CCDC3: variants seen among roughly 807,000 people sequenced by gnomAD.
The protein encoded by CCDC3 is coiled-coil domain-containing protein 3.
A neutral mutation model predicts 21.4 loss-of-function variants in CCDC3; 24 were observed. The observed-to-expected ratio is 1.12, with a 90% confidence interval of 0.81 to 1.58. The LOEUF (loss-of-function observed/expected upper bound fraction) is 1.58. Ranked by LOEUF, CCDC3 falls within the 40% of genes most tolerant of loss-of-function variation. The pLI, the probability that CCDC3 is intolerant of heterozygous loss-of-function variation, is 0.00. For synonymous variants in CCDC3, 186 were observed against 166.0 expected (o/e 1.12, Z -0.93); for missense variants, 425 against 360.9 (o/e 1.18, Z -1.44).
chr10:12,996,702 G>T (rs193231560), intron 2 of CCDC3, among the ~76,000 whole-genome samples: 379 of 152,268 alleles, frequency 2.5e-3, no homozygotes, highest in South Asian at 0.011. Context: ...CATGAAGAAG[G>T]CCTCCAGGGT....
At chr10:13,037,270 T>C (rs1227715410) in intron 5 of CCDC3, among the ~76,000 whole-genome samples, 2 of 152,216 alleles carry the variant, frequency 1.3e-5, no homozygotes, top group African/African-American at 4.8e-5. Context: ...AGTCAAAATG[T>C]TTTAAAACAA....
At chr10:13,041,509 T>A (rs1377414517) in intron 5 of CCDC3, among the ~76,000 whole-genome samples, 785 of 13,278 alleles carry the variant, frequency 0.059, 5 homozygotes, top group Non-Finnish European at 0.2. Context: ...AGATAATTTT[T>A]TTTTTTTTTT....
At chr10:12,969,887 A>G (rs1835316809) in intron 2 of CCDC3, among the ~76,000 whole-genome samples, 1 of 152,148 alleles carries the variant, frequency 6.6e-6, no homozygotes, top group East Asian at 1.9e-4. Context: ...CCTCAGTTAT[A>G]TGTGGAGTAT....
At chr10:12,933,008 T>C (rs1425762456) in intron 2 of CCDC3, among the ~76,000 whole-genome samples, 2 of 152,242 alleles carry the variant, frequency 1.3e-5, no homozygotes, top group African/African-American at 4.8e-5. Flanking sequence ...AGTTTAAATA[T>C]CCCTTGGCCA....
At chr10:13,057,868 G>T in intron 4 of CCDC3, 2 of 440,698 alleles carry the variant, frequency 4.5e-6, no homozygotes, top group South Asian at 4.3e-5. Flanking sequence ...ATGACAGTGC[G>T]AGACTCTGTC....
chr10:13,064,571 T>C (rs1483752887), intron 4 of CCDC3, among the ~76,000 whole-genome samples: 1 of 152,088 alleles, frequency 6.6e-6, no homozygotes, highest in Non-Finnish European at 1.5e-5. Context: ...AATCAATACA[T>C]GTAAGATGTA....
intron 2 of CCDC3, among the ~76,000 whole-genome samples, chr10:12,982,728 A>G (rs1835519032): frequency 8.2e-6 from 1 of 122,662 alleles, no homozygotes; most frequent in African/African-American, 3.0e-5. Context: ...TAGGAGGTGG[A>G]GGTTGCAGTG....
intron 2 of CCDC3, among the ~76,000 whole-genome samples, chr10:12,942,693 C>T (rs1834851156): frequency 6.6e-6 from 1 of 152,218 alleles, no homozygotes; most frequent in African/African-American, 2.4e-5. Context: ...ATGCAAGTGG[C>T]ACACCTGGTC....
intron 2 of CCDC3, among the ~76,000 whole-genome samples, chr10:12,978,409 C>G (rs1209355509): frequency 6.6e-6 from 1 of 152,344 alleles, no homozygotes; most frequent in South Asian, 2.1e-4. Flanking sequence ...CAGAAATGTG[C>G]TACTACCCTC....
At chr10:13,074,569 T>C (rs927446826) in intron 3 of CCDC3, among the ~76,000 whole-genome samples, 29 of 147,908 alleles carry the variant, frequency 2.0e-4, no homozygotes, top group African/African-American at 6.9e-4. Flanking sequence ...TAACTCTCCC[T>C]CCCCCTCCCC....
intron 2 of CCDC3, among the ~76,000 whole-genome samples, chr10:12,925,998 T>C (rs936742699): frequency 3.3e-5 from 5 of 152,208 alleles, no homozygotes; most frequent in African/African-American, 9.6e-5. Context: ...AGTTGGGTAC[T>C]TGAGATGCTA....
chr10:13,007,103 T>C (rs1835933417), intron 5 of CCDC3, among the ~76,000 whole-genome samples: 1 of 152,170 alleles, frequency 6.6e-6, no homozygotes, highest in Non-Finnish European at 1.5e-5. Context: ...AGTCATAACT[T>C]TTCTAGAAAG....
intron 2 of CCDC3, among the ~76,000 whole-genome samples, chr10:12,908,753 C>G (rs540830664): frequency 6.6e-6 from 1 of 151,990 alleles, no homozygotes; most frequent in African/African-American, 2.4e-5. Context: ...CCACCATGCC[C>G]GGCTACTTTT....
chr10:13,025,114 T>A (rs1171121129), intron 5 of CCDC3, among the ~76,000 whole-genome samples: 5 of 152,216 alleles, frequency 3.3e-5, no homozygotes, highest in Non-Finnish European at 7.3e-5. Flanking sequence ...ACCAGGGGGT[T>A]ATTACACTTC....
rs770704967 is a variant in CCDC3, at chr10:12,998,395, C to G, written c.492G>C (p.Ser164=). ...AGAAAGTCGCCAGCTGCTGCCCTTG[C>G]GAACAGTTTGAAAACTGGAAAAGGC... The part of the protein sequence containing the change: ...FSSLFQFSNC[S]QGQQLATFSS... The change falls in exon 2 of 3, where the codon TCG becomes TCC. Residue 164 remains serine (S), a synonymous_variant. Coordinates refer to ENST00000378825, the MANE Select transcript of CCDC3 (RefSeq NM_031455.4). 6.2e-7 allele frequency: 1 copy of G among 1,614,132 alleles called. No homozygotes were observed. The highest frequency in any genetic ancestry group is 8.5e-7 in the Non-Finnish European group (1 of 1,180,028).
At chr10:13,049,738 A>G (rs1836578669) in exon 5 of CCDC3, 2 of 152,206 alleles carry the variant, frequency 1.3e-5, no homozygotes, top group African/African-American at 4.8e-5. Flanking sequence ...CAGGTCACAG[A>G]GAAGGCTGCC....
chr10:12,910,878 A>G (rs1834261614), intron 2 of CCDC3, among the ~76,000 whole-genome samples: 1 of 152,208 alleles, frequency 6.6e-6, no homozygotes, highest in Admixed American at 6.5e-5. Flanking sequence ...TATGGGTGTG[A>G]GCCACAGAGC....
At chr10:12,957,498 T>C (rs565507312) in intron 2 of CCDC3, among the ~76,000 whole-genome samples, 10 of 152,354 alleles carry the variant, frequency 6.6e-5, no homozygotes, top group South Asian at 6.2e-4. Context: ...TGGATCTGTG[T>C]TCCTGCCGCA....
At position 12,991,685 on chromosome 10, in the gene CCDC3, G is replaced by A. The variant is rs146775241; in HGVS notation, c.549+6653C>T. Reference sequence around the variant, plus strand: ...GTCAGATAGAAATGTCAACTCCAGCGCCAGTCAAGATGAAGCAAGCCAACC... The same window carrying A: ...GTCAGATAGAAATGTCAACTCCAGCACCAGTCAAGATGAAGCAAGCCAACC... On this transcript the variant is annotated intron_variant, in intron 2 of 2. Transcript: ENST00000378825. 2.8e-3 allele frequency among the ~76,000 whole-genome samples: 421 copies of A among 152,164 alleles called. 3 individuals are homozygous for A. The highest frequency in any genetic ancestry group is 9.8e-3 in the African/African-American group (406 of 41,524).
Sources: allele counts gnomAD v4.1 joint callset (sites outside exome capture counted in the v4.1 genomes callset), GRCh38; gene constraint gnomAD v4.1.1; transcripts MANE v1.5; gene names NCBI Gene and HGNC (gene_info 2026-07-23, HGNC 2026-07-21).